The following PTP4A1 variants were observed in gnomAD, a reference collection of about 807,000 sequenced individuals.
PTP4A1 encodes protein tyrosine phosphatase 4A1.
PTP4A1 carries 9 observed loss-of-function variants against 20.5 expected under a neutral mutation model. The observed-to-expected ratio is 0.44, with a 90% CI of 0.26 to 0.77. The LOEUF is 0.77. PTP4A1 is among the 30% of genes least tolerant of loss of function. The probability of loss-of-function intolerance (pLI) is 0.19; values close to 1 mark genes in which losing one functional copy is unlikely to be tolerated. For synonymous variants in PTP4A1, 78 were observed against 67.4 expected, an observed-to-expected ratio of 1.16 and a Z score of -0.77; for missense variants, 137 against 218.8, an observed-to-expected ratio of 0.63 and a Z score of 2.36.
chr6:63,570,169 A>G (rs1430179060), upstream of PTP4A1, among the ~76,000 whole-genome samples: 1 of 152,118 alleles, frequency 6.6e-6, no homozygotes, highest in Non-Finnish European at 1.5e-5. Context: ...AGTTTTCTAA[A>G]AGTACAAACA....
chr6:63,534,452 AACACACACACACAC>A (rs61533550), intron 2 of PTP4A1, among the ~76,000 whole-genome samples: 3 of 144,416 alleles, frequency 2.1e-5, no homozygotes, highest in African/African-American at 7.7e-5. Flanking sequence ...CACACAGAGA[AACACACACACACAC>A]ACACACACAC....
At chr6:63,555,167 A>C (rs183760019) in intron 3 of PTP4A1, among the ~76,000 whole-genome samples, 1 of 152,190 alleles carries the variant, frequency 6.6e-6, no homozygotes, top group African/African-American at 2.4e-5. Context: ...TTCTTCTTCA[A>C]AGAAGATCTA....
chr6:63,564,727 A>C (rs2149498505), intron 3 of PTP4A1, among the ~76,000 whole-genome samples: 1 of 152,328 alleles, frequency 6.6e-6, no homozygotes, highest in Non-Finnish European at 1.5e-5. Context: ...CTGTGGCATA[A>C]TTCAACATGT....
At chr6:63,565,502 C>T (rs1437784187) in intron 3 of PTP4A1, among the ~76,000 whole-genome samples, 1 of 151,964 alleles carries the variant, frequency 6.6e-6, no homozygotes, top group Non-Finnish European at 1.5e-5. Flanking sequence ...AAAATATTAC[C>T]TCAAATGGTT....
At chr6:63,561,228 C>A (rs1026605547) in intron 3 of PTP4A1, among the ~76,000 whole-genome samples, 1 of 152,154 alleles carries the variant, frequency 6.6e-6, no homozygotes, top group Non-Finnish European at 1.5e-5. Context: ...TCACATAATA[C>A]TTGTATGACC....
chr6:63,556,016 C>T (rs539917530), intron 3 of PTP4A1, among the ~76,000 whole-genome samples: 10 of 151,896 alleles, frequency 6.6e-5, no homozygotes, highest in Non-Finnish European at 2.9e-5. Flanking sequence ...TATTATTCAG[C>T]CTTTCTTTGG....
intron 2 of PTP4A1, among the ~76,000 whole-genome samples, chr6:63,536,104 G>A (rs899741229): frequency 2.6e-5 from 4 of 151,878 alleles, no homozygotes; most frequent in East Asian, 2.0e-4. Context: ...GGCCGAGGCC[G>A]GTGCATCACC....
upstream of PTP4A1, among the ~76,000 whole-genome samples, chr6:63,568,487 A>C (rs1261616079): frequency 1.3e-5 from 2 of 152,206 alleles, no homozygotes; most frequent in Non-Finnish European, 2.9e-5. Flanking sequence ...TAACAATATC[A>C]AAGATCACTG....
At chr6:63,549,099 C>G (rs570369476) in intron 2 of PTP4A1, 2 of 705,892 alleles carry the variant, frequency 2.8e-6, no homozygotes, top group Non-Finnish European at 5.2e-6. Flanking sequence ...AACTCCTGCT[C>G]GAAGGACAGG....
chr6:63,578,975 T>A lies in PTP4A1; in HGVS notation c.276T>A (p.Phe92Leu), dbSNP rs994457604. 1 of 1,608,128 alleles carries A rather than the reference T, an allele frequency of 6.2e-7. No individual in the cohort carries two copies. The highest frequency in any genetic ancestry group is 1.3e-5 in the African/African-American group (1 of 74,822). Residue 92 changes from phenylalanine to leucine, a missense_variant, in exon 4 of 6, where the codon TTT becomes TTA. Coordinates refer to ENST00000626021, the MANE Select transcript of PTP4A1 (RefSeq NM_003463.5). ...DDWLSLVKIKFREEPGCCIAV... is the reference protein window; with the variant it reads ...DDWLSLVKIKLREEPGCCIAV... The stretch of plus-strand genomic sequence containing the variant: ...GGTTAAGTCTTGTGAAAATTAAGTT[T>A]CGTGAAGAACCTGGTTGTTGTATTG...
At chr6:63,553,331 G>A (rs1252057047) in intron 3 of PTP4A1, among the ~76,000 whole-genome samples, 1 of 152,150 alleles carries the variant, frequency 6.6e-6, no homozygotes, top group Non-Finnish European at 1.5e-5. Flanking sequence ...TAGCGACTCG[G>A]GTTCAGATAG....
chr6:63,522,259 G>C (rs913854796), intron 1 of PTP4A1, among the ~76,000 whole-genome samples: 2 of 152,052 alleles, frequency 1.3e-5, no homozygotes, highest in African/African-American at 2.4e-5. Flanking sequence ...TGTTGTTTCT[G>C]TTACTTATTT....
At chr6:63,538,344 A>T (rs1775808622) in intron 2 of PTP4A1, among the ~76,000 whole-genome samples, 1 of 152,230 alleles carries the variant, frequency 6.6e-6, no homozygotes, top group Admixed American at 6.5e-5. Flanking sequence ...TGTTACAGGG[A>T]TTTCCATTCT....
chr6:63,562,383 G>C (rs1487367184), intron 3 of PTP4A1, among the ~76,000 whole-genome samples: 1 of 151,962 alleles, frequency 6.6e-6, no homozygotes, highest in Non-Finnish European at 1.5e-5. Context: ...ATTTTTAGTA[G>C]AGACAGCGTT....
chr6:63,531,460 C>T (rs1156620386), intron 2 of PTP4A1, among the ~76,000 whole-genome samples: 1 of 149,852 alleles, frequency 6.7e-6, no homozygotes, highest in Non-Finnish European at 1.5e-5. Context: ...TCACAAAATC[C>T]AGAAGAGATA....
Position 63,555,697 on chromosome 6 carries a change from T to A in PTP4A1, c.-446+5204T>A, listed in dbSNP as rs1049724281. Reference sequence around the variant, plus strand: ...ATTCACTTCTCAATTACACTCTTTTTTTTTTTTTTTTTTTGAGACGGAGTC... The same window carrying A: ...ATTCACTTCTCAATTACACTCTTTTATTTTTTTTTTTTTTGAGACGGAGTC... On this transcript the variant is annotated intron_variant, in intron 3 of 3. Coordinates refer to the PTP4A1 transcript ENST00000639568. 2.3e-3 allele frequency among the ~76,000 whole-genome samples: 352 copies of A among 150,836 alleles called. 2 individuals carry two copies. The highest frequency in any genetic ancestry group is 3.7e-3 in the Non-Finnish European group (247 of 67,472).
In PTP4A1 at chr6:63,540,552, C is replaced by T. The variant is rs143348840; in HGVS notation, c.-639-9748C>T. Among the ~76,000 whole-genome samples the T allele has an allele frequency of 4.9e-3, 746 of 151,966 alleles. 4 individuals carry two copies. The highest frequency in any genetic ancestry group is 7.7e-3 in the Non-Finnish European group (526 of 67,990). Reference sequence around the variant, plus strand: ...ATGAGAATCGCTTGAACCCAGGAGGCGGAGGTTGCAGTAAGCCAAGATTGC... The same window carrying T: ...ATGAGAATCGCTTGAACCCAGGAGGTGGAGGTTGCAGTAAGCCAAGATTGC... On this transcript the variant is annotated intron_variant, in intron 2 of 3. Transcript: ENST00000639568.
chr6:63,575,347 C>G (rs148887065), intron 1 of PTP4A1, among the ~76,000 whole-genome samples: 2 of 152,232 alleles, frequency 1.3e-5, no homozygotes, highest in Middle Eastern at 6.8e-3. Flanking sequence ...CCTCTTTACT[C>G]CCGAGTACAC....
upstream of PTP4A1, among the ~76,000 whole-genome samples, chr6:63,569,170 T>C (rs888804182): frequency 6.6e-6 from 1 of 152,216 alleles, no homozygotes; most frequent in African/African-American, 2.4e-5. Flanking sequence ...CTTGTGAAGA[T>C]TTCTCTGTTC....
Sources: gnomAD v4.1 joint callset for allele counts (sites outside exome capture counted in the v4.1 genomes callset) on GRCh38, gnomAD v4.1.1 for gene constraint, MANE v1.5 for transcripts, NCBI Gene and HGNC (gene_info 2026-07-23, HGNC 2026-07-21) for gene names.